R3HCC1L: variants seen among roughly 807,000 people sequenced by gnomAD.
R3HCC1L encodes R3H domain and coiled-coil containing 1 like.
R3HCC1L carries 51 observed loss-of-function variants against 59.9 expected under a neutral mutation model. The ratio of observed to expected loss-of-function variants is 0.85; its 90% CI spans 0.68 to 1.07. The LOEUF (loss-of-function observed/expected upper bound fraction) is 1.07, where lower values mean the gene tolerates loss of function less well. Among genes scored for constraint, R3HCC1L ranks in the 50% least tolerant of loss-of-function variants. The probability of loss-of-function intolerance (pLI) is 0.00; values close to 1 mark genes in which losing one functional copy is unlikely to be tolerated. For missense variants in R3HCC1L, 965 were observed against 933.0 expected (o/e 1.03, Z -0.45); for synonymous variants, 322 against 315.2 (o/e 1.02, Z -0.23).
At chr10:98,153,540 C>T (rs1461983433) in intron 1 of R3HCC1L, among the ~76,000 whole-genome samples, 1 of 151,384 alleles carries the variant, frequency 6.6e-6, no homozygotes, top group Non-Finnish European at 1.5e-5. Context: ...GTCTGCTGAC[C>T]TTCCCTCCAG....
At chr10:98,240,733 T>C (rs1857438457) in intron 9 of R3HCC1L, among the ~76,000 whole-genome samples, 1 of 152,024 alleles carries the variant, frequency 6.6e-6, no homozygotes, top group African/African-American at 2.4e-5. Context: ...ATTCATAATC[T>C]AGGTCTTAGG....
At chr10:98,153,004 T>G (rs1590426576) in intron 1 of R3HCC1L, among the ~76,000 whole-genome samples, 1 of 145,152 alleles carries the variant, frequency 6.9e-6, no homozygotes, top group East Asian at 2.1e-4. Flanking sequence ...GGGGCCCGCC[T>G]CCGCCCGGCC....
intron 9 of R3HCC1L, among the ~76,000 whole-genome samples, chr10:98,241,693 T>C (rs1857549136): frequency 6.6e-6 from 1 of 152,164 alleles, no homozygotes; most frequent in African/African-American, 2.4e-5. Context: ...TCTTTCTGTT[T>C]ATACAATTTT....
At chr10:98,168,338 G>A (rs552851150) in intron 4 of R3HCC1L, among the ~76,000 whole-genome samples, 1 of 152,264 alleles carries the variant, frequency 6.6e-6, no homozygotes, top group South Asian at 2.1e-4. Flanking sequence ...CCTTGTCAGT[G>A]GAGTGTGAAA....
In R3HCC1L at chr10:98,209,247, T is replaced by C; in HGVS notation, c.1133T>C (p.Met378Thr). ...GACATTACCAATAAAGCATGTATGA[T>C]GGACACTACAGGTATGTCCTGTAGT... ...VGDITNKACMMDTTGMSCSDH... is the reference protein window; with the variant it reads ...VGDITNKACMTDTTGMSCSDH... The change falls in exon 5 of 10, where the codon ATG becomes ACG. Residue 378 changes from methionine (M) to threonine (T), a missense_variant. By Grantham distance (81) the Met-to-Thr change is moderately conservative (BLOSUM62 -1). Transcript: ENST00000298999. The C allele has an allele frequency of 6.2e-7, 1 of 1,613,970 alleles. No individual in the cohort carries two copies. Among genetic ancestry groups the C allele is most frequent in the Non-Finnish European group, 8.5e-7 (1 of 1,180,002 alleles).
chr10:98,234,472 T>C lies in R3HCC1L; in HGVS notation c.1988T>C (p.Val663Ala). The C allele has an allele frequency of 3.7e-6, 6 of 1,613,498 alleles. No individual in the cohort carries two copies. Among genetic ancestry groups the C allele is most frequent in the Non-Finnish European group, 5.1e-6 (6 of 1,179,722 alleles). The change falls in exon 7 of 10, where the codon GTG becomes GCG. Residue 663 changes from valine to alanine, a missense_variant. Physicochemically the swap from Val to Ala is moderately conservative, Grantham distance 64 (BLOSUM62 0). Coordinates refer to ENST00000298999, the MANE Select transcript of R3HCC1L (RefSeq NM_001351015.2). ...AAGAAAGGATTTGATATTAAATGGG[T>C]GGATGATACACATGCCCTAGGAGTA... ...YQKKGFDIKWVDDTHALGVFS... is the reference protein window; with the variant it reads ...YQKKGFDIKWADDTHALGVFS...
chr10:98,236,731 T>C (rs1315388047), intron 9 of R3HCC1L, among the ~76,000 whole-genome samples: 2 of 152,194 alleles, frequency 1.3e-5, no homozygotes, highest in Non-Finnish European at 2.9e-5. Flanking sequence ...CAGAAAAATA[T>C]TTCCCCTGAT....
chr10:98,146,505 C>T (rs1264445464), intron 1 of R3HCC1L, among the ~76,000 whole-genome samples: 1 of 152,148 alleles, frequency 6.6e-6, no homozygotes, highest in Non-Finnish European at 1.5e-5. Context: ...CACCAATCTG[C>T]ATTCTATCTT....
chr10:98,142,972 A>ACAAAAC (rs550414171), intron 1 of R3HCC1L, among the ~76,000 whole-genome samples: 1 of 151,990 alleles, frequency 6.6e-6, no homozygotes, highest in African/African-American at 2.4e-5. Context: ...ACAAAACAAA[A>ACAAAAC]AAAAAACAGA....
chr10:98,187,716 A>C (rs1232118239), intron 4 of R3HCC1L, among the ~76,000 whole-genome samples: 2 of 151,018 alleles, frequency 1.3e-5, no homozygotes, highest in Non-Finnish European at 3.0e-5. Flanking sequence ...TCAAACAGAT[A>C]AGATGTAACA....
chr10:98,199,678 A>C (rs1342325746), intron 4 of R3HCC1L, among the ~76,000 whole-genome samples: 1 of 152,020 alleles, frequency 6.6e-6, no homozygotes, highest in Non-Finnish European at 1.5e-5. Flanking sequence ...TATTTGGAAA[A>C]TACCTCTTAA....
At chr10:98,211,987 A>G (rs968969607) in intron 5 of R3HCC1L, among the ~76,000 whole-genome samples, 1 of 152,154 alleles carries the variant, frequency 6.6e-6, no homozygotes, top group African/African-American at 2.4e-5. Context: ...AGAATATAGT[A>G]TTTTAAGCTG....
intron 3 of R3HCC1L, 59 bp downstream of exon 3, chr10:98,163,034 T>C: frequency 5.9e-6 from 1 of 169,852 alleles, no homozygotes; most frequent in Non-Finnish European, 1.2e-5. Context: ...GTCTTATCTC[T>C]TTTTTTTGTT....
chr10:98,147,832 T>A (rs1050184887), intron 1 of R3HCC1L, among the ~76,000 whole-genome samples: 10 of 152,200 alleles, frequency 6.6e-5, no homozygotes, highest in Non-Finnish European at 1.0e-4. Context: ...TAATTTGAAG[T>A]CAGATAGTGT....
rs1459962703 is a variant in R3HCC1L, at chr10:98,158,902, G to A, written c.-213+2755G>A. Among the ~76,000 whole-genome samples the A allele has an allele frequency of 3.3e-5, 5 of 151,634 alleles. No individual in the cohort carries two copies. In the East Asian group the frequency reaches 7.7e-4, roughly 23 times the overall value. The stretch of plus-strand genomic sequence containing the variant: ...GCTCACTGCAGCCTTGAACTCCTGG[G>A]CTCAAGCAATCCTCCTGCCTGAGCC... On this transcript the variant is annotated intron_variant, in intron 2 of 9. Coordinates refer to ENST00000298999, the MANE Select transcript of R3HCC1L (RefSeq NM_001351015.2).
chr10:98,192,465 A>G (rs563751393), intron 4 of R3HCC1L, among the ~76,000 whole-genome samples: 2 of 152,284 alleles, frequency 1.3e-5, no homozygotes, highest in African/African-American at 4.8e-5. Flanking sequence ...AAAAGGAGAC[A>G]TTGCAACTGA....
intron 5 of R3HCC1L, among the ~76,000 whole-genome samples, chr10:98,221,624 A>G (rs1268455332): frequency 1.3e-5 from 2 of 151,568 alleles, no homozygotes; most frequent in African/African-American, 2.4e-5. Flanking sequence ...AGCACCATTT[A>G]TTAAATAGGG....
intron 1 of R3HCC1L, among the ~76,000 whole-genome samples, chr10:98,138,659 T>C (rs2133835429): frequency 6.6e-6 from 1 of 152,360 alleles, no homozygotes; most frequent in South Asian, 2.1e-4. Flanking sequence ...ATGAGTGTGC[T>C]GAATAGTTCT....
At chr10:98,196,631 GT>G (rs1851463099) in intron 4 of R3HCC1L, among the ~76,000 whole-genome samples, 1 of 152,038 alleles carries the variant, frequency 6.6e-6, no homozygotes, top group South Asian at 2.1e-4. Flanking sequence ...AGTCCATAAA[GT>G]TTTGTTAGCT....
Sources: allele counts gnomAD v4.1 joint callset (sites outside exome capture counted in the v4.1 genomes callset), GRCh38; gene constraint gnomAD v4.1.1; transcripts MANE v1.5; gene names NCBI Gene and HGNC (gene_info 2026-07-23, HGNC 2026-07-21).